Variants in PANK4 observed in about 807,000 individuals in gnomAD.
The protein encoded by PANK4 is 4'-phosphopantetheine phosphatase.
Under a neutral mutation model 87.9 loss-of-function variants are expected in PANK4, and 40 were observed. The ratio of observed to expected loss-of-function variants is 0.46; its 90% CI spans 0.35 to 0.59. The LOEUF (loss-of-function observed/expected upper bound fraction) is 0.59. Ranked by LOEUF, PANK4 falls within the 20% of genes least tolerant of loss-of-function variation. PANK4 has a pLI of 0.00. For synonymous variants in PANK4, 524 were observed against 467.4 expected (o/e 1.12, Z -1.56); for missense variants, 926 against 1,072.3 (o/e 0.86, Z 1.90).
intron 11 of PANK4, 47 bp downstream of exon 11, chr1:2,514,307 C>T (rs1570536613): frequency 7.1e-7 from 1 of 1,412,006 alleles, no homozygotes; most frequent in Non-Finnish European, 1.0e-6. Flanking sequence ...GTGCAGGGGC[C>T]CTCTGGATGG....
At position 2,518,593 on chromosome 1, in the gene PANK4, T is replaced by TC; in HGVS notation, c.1039dup (p.Glu347GlyfsTer24). The TC allele has an allele frequency of 6.4e-7, 1 of 1,565,832 alleles. No individual in the cohort carries two copies. The highest frequency in any genetic ancestry group is 2.4e-5 in the East Asian group (1 of 42,200). On this transcript the variant is annotated frameshift_variant, in exon 8 of 19. Coordinates refer to ENST00000378466, the MANE Select transcript of PANK4 (RefSeq NM_018216.4). LOFTEE classifies it high-confidence loss of function. ...GTGCCTCAGAAACAGCGCCTGCACT[T>TC]CCCCCTGCCGTGGCCAAAGCACACG...
chr1:2,511,781 A>T, intron 13 of PANK4, 98 bp from the exon 14 acceptor site: 1 of 742,292 alleles, frequency 1.3e-6, no homozygotes, highest in East Asian at 2.6e-5. Flanking sequence ...CAGGCGGGAC[A>T]GAGGCAGCTG....
chr1:2,520,677 CTA>C lies in PANK4; in HGVS notation c.606+44_606+45del. On this transcript the variant is annotated intron_variant, in intron 4 of 18. Coordinates refer to ENST00000378466, the MANE Select transcript of PANK4 (RefSeq NM_018216.4). This position sits in a 1 kb window ranked among gnomAD's most constrained non-coding sequence, Gnocchi z 6.2. ...CTGCACACAGCGAGGGCTTAACAAA[CTA>C]TGGCTAAACCATCCACTCATTCATT... 14 of 1,569,298 alleles carry C rather than the reference CTA, an allele frequency of 8.9e-6. No individual in the cohort carries two copies. Among genetic ancestry groups the C allele is most frequent in the Non-Finnish European group, 1.2e-5 (14 of 1,145,826 alleles).
In PANK4 at chr1:2,514,518, G is replaced by A. The variant is rs751000682; in HGVS notation, c.1375-52C>T. 9.7e-6 allele frequency: 11 copies of A among 1,132,116 alleles called. No homozygotes were observed. In the East Asian group the frequency reaches 1.3e-4, roughly 13 times the overall value. The allele number at this position is 1,132,116 out of a possible 1,614,324, so 70.1% of individuals were successfully genotyped here. A position where few individuals can be genotyped will look rare whatever the true frequency, so the allele number is the denominator to read the frequency against. Reference sequence around the variant, plus strand: ...GTCAAGCGCTGGCCCTGCTGCTTGCGAATCCCCACGTGACAGCAGGGGGCT... The same window carrying A: ...GTCAAGCGCTGGCCCTGCTGCTTGCAAATCCCCACGTGACAGCAGGGGGCT... On this transcript the variant is annotated intron_variant, in intron 10 of 18. Transcript: ENST00000378466.
chr1:2,518,102 C>A, intron 9 of PANK4, 62 bp downstream of exon 9: 1 of 1,006,010 alleles, frequency 9.9e-7, no homozygotes, highest in Non-Finnish European at 1.5e-6. Flanking sequence ...CAGGGACAGG[C>A]GAGGTGAGTG....
Position 2,521,210 on chromosome 1 carries a change from G to A in PANK4, c.313C>T (p.Leu105=), listed in dbSNP as rs1260804990. The stretch of plus-strand genomic sequence containing the variant: ...ACGAGATGGTCTTTGATGAAGTCCA[G>A]GCAGGCTTCGATGTAGGTATTCTCA... The part of the protein sequence containing the change: ...KFENTYIEAC[L]DFIKDHLVNT... Residue 105 remains leucine, a synonymous_variant, in exon 3 of 19, where the codon CTG becomes TTG. Transcript: ENST00000378466. The A allele has an allele frequency of 1.9e-6, 3 of 1,613,806 alleles. No individual in the cohort carries two copies. Among genetic ancestry groups the A allele is most frequent in the Non-Finnish European group, 2.5e-6 (3 of 1,179,828 alleles).
At position 2,512,870 on chromosome 1, in the gene PANK4, G is replaced by A. The variant is rs202218370; in HGVS notation, c.1727+18C>T. The A allele has an allele frequency of 1.5e-3, 2,422 of 1,611,820 alleles. 5 individuals carry two copies. The highest frequency in any genetic ancestry group is 1.5e-3 in the Non-Finnish European group (1,816 of 1,179,148). ...ACCCACAGGCTGCAGAGCCTGCTCC[G>A]AGCCCGCAGACACCTACGCAGACAC... On this transcript the variant is annotated intron_variant, in intron 13 of 18. Coordinates refer to ENST00000378466, the MANE Select transcript of PANK4 (RefSeq NM_018216.4).
chr1:2,515,592 C>A lies in PANK4; in HGVS notation c.1344G>T (p.Trp448Cys), dbSNP rs1643756018. ...CCAGGGCCTCCTCAAAGCAGGTGAG[C>A]CAGTATTTTCGGGCCAGAGCGTCAT... is the stretch of plus-strand genomic sequence containing the variant. ...LTDDALARKY[W>C]LTCFEEALDG... is the part of the protein sequence containing the mutation. Residue 448 changes from tryptophan to cysteine, a missense_variant, in exon 10 of 19, where the codon TGG becomes TGT. Transcript: ENST00000378466. This position sits in a 1 kb window ranked among gnomAD's most constrained non-coding sequence, Gnocchi z 5.0. 1 of 1,613,028 alleles carries A rather than the reference C, an allele frequency of 6.2e-7. No homozygotes were observed. Among genetic ancestry groups the A allele is most frequent in the African/African-American group, 1.3e-5 (1 of 74,926 alleles).
chr1:2,512,196 GCTC>G (rs1643673025), intron 13 of PANK4, among the ~76,000 whole-genome samples: 1 of 152,168 alleles, frequency 6.6e-6, no homozygotes, highest in Non-Finnish European at 1.5e-5. Context: ...CTCCTCCAAT[GCTC>G]CTGACAGGCT....
rs149944330 is a variant in PANK4 at position 2,510,077 on chromosome 1, C to T, written c.2019G>A (p.Ala673=). 4.4e-5 allele frequency: 71 copies of T among 1,610,482 alleles called. No homozygotes were observed. The South Asian group carries it at 5.5e-4, about 13-fold the overall frequency. ...CTCACTGCACGACAGGGTCCATGCC[C>T]GCAATACGCTCTGCCACGATGAGGG... ...SESLIVAERI[A]GMDPVVHSAL... Residue 673 remains alanine (A), a synonymous_variant, in exon 17 of 19, where the codon GCG becomes GCA. Transcript: ENST00000378466. The surrounding 1 kb of genome is among the most constrained non-coding windows in gnomAD (Gnocchi z 4.9).
rs374559962 is a variant in PANK4, at chr1:2,519,275, G to A, written c.903C>T (p.Asn301=). 3.6e-5 allele frequency: 58 copies of A among 1,611,998 alleles called. 1 individual carries two copies. Among genetic ancestry groups the A allele is most frequent in the East Asian group, 2.2e-4 (10 of 44,854 alleles). The change falls in exon 7 of 19, where the codon AAC becomes AAT. Residue 301 remains asparagine, a synonymous_variant. Transcript: ENST00000378466. The surrounding 1 kb of genome is among the most constrained non-coding windows in gnomAD (Gnocchi z 8.3). ...GGAGGCAGGCCAGCTGCCCAATGTCGTTGCTGATCATGTGCAGCAGGCTCT... is the reference window on the plus strand; with the variant it reads ...GGAGGCAGGCCAGCTGCCCAATGTCATTGCTGATCATGTGCAGCAGGCTCT... The part of the protein sequence containing the change: ...MAKSLLHMIS[N]DIGQLACLHA...
Position 2,508,824 on chromosome 1 carries a change from A to T in PANK4, c.*23T>A, listed in dbSNP as rs746434943. ...CACATTCCTGACAAGTGACAAGCAG[A>T]AGAGTCCGGCAGCTGCAGCGCCTCA... On this transcript the variant is annotated 3_prime_UTR_variant, in exon 19 of 19. Coordinates refer to ENST00000378466, the MANE Select transcript of PANK4 (RefSeq NM_018216.4). This position sits in a 1 kb window ranked among gnomAD's most constrained non-coding sequence, Gnocchi z 5.1. The T allele has an allele frequency of 1.7e-5, 24 of 1,386,618 alleles. No individual in the cohort carries two copies. The highest frequency in any genetic ancestry group is 2.0e-5 in the Non-Finnish European group (20 of 986,126). 85.9% of individuals were successfully genotyped at this position (1,386,618 alleles called of 1,614,324 possible). A position where few individuals can be genotyped will look rare whatever the true frequency, so the allele number is the denominator to read the frequency against.
At chr1:2,517,526 C>G (rs1301542374) in intron 9 of PANK4, among the ~76,000 whole-genome samples, 1 of 152,242 alleles carries the variant, frequency 6.6e-6, no homozygotes, top group African/African-American at 2.4e-5. Context: ...CAGCCTGTGA[C>G]ACGGGGCGGT....
chr1:2,510,015 CT>C lies in PANK4; in HGVS notation c.2039+41del. On this transcript the variant is annotated intron_variant, in intron 17 of 18. Coordinates refer to ENST00000378466, the MANE Select transcript of PANK4 (RefSeq NM_018216.4). This position sits in a 1 kb window ranked among gnomAD's most constrained non-coding sequence, Gnocchi z 4.9. ...GGCCCACTCTGCCCAGCTGGTGCCC[CT>C]CCCCATCAAGGCCCCCCCAGCACTG... 1.9e-6 allele frequency: 3 copies of C among 1,578,594 alleles called. No individual in the cohort carries two copies. The highest frequency in any genetic ancestry group is 2.3e-5 in the East Asian group (1 of 43,888).
At position 2,519,823 on chromosome 1, in the gene PANK4, C is replaced by T; in HGVS notation, c.831G>A (p.Gly277=). ...CACCTTGGTCGGCGGTGGCCGACTT[C>T]CCGAAGCTGCTGGCGATGAGGTTCC... ...LSGNLIASSF[G]KSATADQEFS... Residue 277 remains glycine (G), a synonymous_variant, in exon 6 of 19, where the codon GGG becomes GGA. Coordinates refer to ENST00000378466, the MANE Select transcript of PANK4 (RefSeq NM_018216.4). The surrounding 1 kb of genome is among the most constrained non-coding windows in gnomAD (Gnocchi z 8.3). The T allele has an allele frequency of 6.3e-7, 1 of 1,580,564 alleles. No homozygotes were observed. The highest frequency in any genetic ancestry group is 8.6e-7 in the Non-Finnish European group (1 of 1,164,490).
Position 2,513,050 on chromosome 1 carries a change from T to G in PANK4, c.1576-11A>C. ...CTCCCGCTGCTTCACCTGTGGAGAG[T>G]GCCAGATGCCAGGCCTGAGTGAAGA... On this transcript the variant is annotated splice_polypyrimidine_tract_variant and intron_variant, in intron 12 of 18. Transcript: ENST00000378466. 2 of 1,584,118 alleles carry G rather than the reference T, an allele frequency of 1.3e-6. No individual in the cohort carries two copies. Among genetic ancestry groups the G allele is most frequent in the Non-Finnish European group, 1.7e-6 (2 of 1,161,010 alleles).
Position 2,520,624 on chromosome 1 carries a change from G to A in PANK4, c.606+99C>T. On this transcript the variant is annotated intron_variant, in intron 4 of 18. Transcript: ENST00000378466. This position sits in a 1 kb window ranked among gnomAD's most constrained non-coding sequence, Gnocchi z 6.2. ...TCGCCACCCCCCTCCCGCCCACTGG[G>A]CCCCATCCATGTGCCCAGCCCTGGC... 8.0e-7 allele frequency: 1 copy of A among 1,245,148 alleles called. No individual in the cohort carries two copies. Among genetic ancestry groups the A allele is most frequent in the Non-Finnish European group, 1.1e-6 (1 of 871,506 alleles). The allele number at this position is 1,245,148 out of a possible 1,614,324, so 77.1% of individuals were successfully genotyped here.
intron 9 of PANK4, among the ~76,000 whole-genome samples, chr1:2,516,572 A>G (rs939972780): frequency 5.3e-5 from 8 of 152,198 alleles, no homozygotes; most frequent in Non-Finnish European, 1.2e-4. Flanking sequence ...CACAGGTCAC[A>G]TGCTGGCCCT....
At position 2,520,330 on chromosome 1, in the gene PANK4, T is replaced by G. The variant is rs747755129; in HGVS notation, c.691A>C (p.Lys231Gln). 17 of 1,612,712 alleles carry G rather than the reference T, an allele frequency of 1.1e-5. No homozygotes were observed. Among genetic ancestry groups the G allele is most frequent in the Non-Finnish European group, 1.4e-5 (17 of 1,179,878 alleles). ...TFWGLGALLT[K>Q]TKKFDELLHL... Reference sequence around the variant, plus strand: ...TGGCAGCTGCCGCATACCTTCGTTTTGGTGAGCAGAGCGCCAAGCCCCCAG... The same window carrying G: ...TGGCAGCTGCCGCATACCTTCGTTTGGGTGAGCAGAGCGCCAAGCCCCCAG... The change falls in exon 5 of 19, where the codon AAA (lysine) becomes CAA (glutamine). Residue 231 changes from lysine (K) to glutamine (Q), a missense_variant. Physicochemically the swap from Lys to Gln is moderately conservative, Grantham distance 53. Coordinates refer to ENST00000378466, the MANE Select transcript of PANK4 (RefSeq NM_018216.4). The surrounding 1 kb of genome is among the most constrained non-coding windows in gnomAD (Gnocchi z 6.2).
Sources: gnomAD v4.1 joint callset for allele counts (sites outside exome capture counted in the v4.1 genomes callset) on GRCh38, gnomAD v4.1.1 for gene constraint, Gnocchi (gnomAD v3.1) non-coding constraint, MANE v1.5 for transcripts, NCBI Gene and HGNC (gene_info 2026-07-23, HGNC 2026-07-21) for gene names.